The following SEMA5A variants were observed in gnomAD, a reference collection of about 807,000 sequenced individuals.
SEMA5A encodes semaphorin 5A.
Under a neutral mutation model 135.5 loss-of-function variants are expected in SEMA5A, and 55 were observed. The observed-to-expected ratio is 0.41, with a 90% confidence interval of 0.33 to 0.51. SEMA5A has a LOEUF of 0.51. SEMA5A is among the 20% of genes least tolerant of loss of function. SEMA5A has a pLI of 0.37. For missense variants in SEMA5A, 1,290 were observed against 1,419.9 expected (o/e 0.91, Z 1.47); for synonymous variants, 580 against 546.5 (o/e 1.06, Z -0.85).
At chr5:9,201,617 AT>A (rs910668827) in intron 9 of SEMA5A, among the ~76,000 whole-genome samples, 12 of 152,238 alleles carry the variant, frequency 7.9e-5, no homozygotes, top group African/African-American at 2.9e-4. Context: ...TATAGAAAAA[AT>A]ATACATATAA....
chr5:9,386,275 C>A (rs1035434194), intron 2 of SEMA5A, among the ~76,000 whole-genome samples: 1 of 152,172 alleles, frequency 6.6e-6, no homozygotes. Flanking sequence ...GCCCTACACA[C>A]CCTGACAGAG....
At chr5:9,376,119 T>G in intron 3 of SEMA5A, among the ~76,000 whole-genome samples, 1 of 152,134 alleles carries the variant, frequency 6.6e-6, no homozygotes, top group East Asian at 1.9e-4. Flanking sequence ...CTCCCTTTGG[T>G]CTCAGTAGCA....
chr5:9,226,141 G>A (rs1205128608), intron 7 of SEMA5A, among the ~76,000 whole-genome samples: 1 of 152,124 alleles, frequency 6.6e-6, no homozygotes, highest in Non-Finnish European at 1.5e-5. Context: ...TCCAATAACT[G>A]AATGCTAACC....
rs529211190 is a variant in SEMA5A, at chr5:9,330,170, C to T, written c.224+7543G>A. 2.5e-4 allele frequency among the ~76,000 whole-genome samples: 38 copies of T among 151,496 alleles called. No individual in the cohort carries two copies. In the East Asian group the frequency reaches 7.4e-3, roughly 29 times the overall value. On this transcript the variant is annotated intron_variant, in intron 4 of 22. Transcript: ENST00000382496. ...AGATGGGAGGCCGAGGTGGGCGGAT[C>T]GCCAGGTCAGGAGATTGAGACCATC... is the stretch of plus-strand genomic sequence containing the variant.
intron 1 of SEMA5A, among the ~76,000 whole-genome samples, chr5:9,446,774 T>C (rs1758450090): frequency 6.6e-6 from 1 of 152,240 alleles, no homozygotes; most frequent in African/African-American, 2.4e-5. Context: ...ATTTAAGATT[T>C]AATTTTAATA....
intron 1 of SEMA5A, among the ~76,000 whole-genome samples, chr5:9,515,757 C>T (rs776373773): frequency 6.6e-6 from 1 of 152,158 alleles, no homozygotes; most frequent in Non-Finnish European, 1.5e-5. Context: ...AAGAAGAAAA[C>T]AGCTTAATGT....
intron 4 of SEMA5A, among the ~76,000 whole-genome samples, chr5:9,324,214 G>A (rs1210622156): frequency 3.9e-5 from 6 of 151,958 alleles, no homozygotes; most frequent in South Asian, 2.1e-4. Context: ...GACTACAGGC[G>A]CCCGCCACCA....
chr5:9,101,786 A>G (rs1442761983), intron 16 of SEMA5A, among the ~76,000 whole-genome samples: 8 of 152,134 alleles, frequency 5.3e-5, no homozygotes, highest in Admixed American at 5.2e-4. Context: ...ATAGTAGCCT[A>G]TATGAATAGC....
chr5:9,322,005 C>T (rs1461434465), intron 4 of SEMA5A, among the ~76,000 whole-genome samples: 1 of 152,116 alleles, frequency 6.6e-6, no homozygotes, highest in Non-Finnish European at 1.5e-5. Context: ...GAGCTCTGTG[C>T]AGATCAAGCA....
At chr5:9,086,519 C>T (rs1054774093) in intron 16 of SEMA5A, among the ~76,000 whole-genome samples, 1 of 152,184 alleles carries the variant, frequency 6.6e-6, no homozygotes, top group African/African-American at 2.4e-5. Flanking sequence ...GTGCCTTTCA[C>T]CTTCCACCAT....
intron 5 of SEMA5A, among the ~76,000 whole-genome samples, chr5:9,280,578 C>T (rs1750490805): frequency 6.6e-6 from 1 of 152,178 alleles, no homozygotes; most frequent in South Asian, 2.1e-4. Flanking sequence ...TCAAGGATGA[C>T]AATCTAAAAA....
intron 5 of SEMA5A, among the ~76,000 whole-genome samples, chr5:9,262,924 A>T (rs973235251): frequency 2.0e-5 from 3 of 149,280 alleles, no homozygotes; most frequent in African/African-American, 7.3e-5. Flanking sequence ...AAAAAAAAGA[A>T]AATATATTTC....
At chr5:9,489,043 C>A (rs1225963499) in intron 1 of SEMA5A, among the ~76,000 whole-genome samples, 1 of 152,112 alleles carries the variant, frequency 6.6e-6, no homozygotes, top group Non-Finnish European at 1.5e-5. Flanking sequence ...GAGTATCAGG[C>A]CTCTGAATAA....
intron 12 of SEMA5A, among the ~76,000 whole-genome samples, chr5:9,151,282 A>G (rs907187154): frequency 1.3e-5 from 2 of 152,216 alleles, no homozygotes; most frequent in South Asian, 2.1e-4. Context: ...ACATGTAAAC[A>G]TGATTTAGAA....
intron 5 of SEMA5A, among the ~76,000 whole-genome samples, chr5:9,269,329 T>C (rs1749849579): frequency 6.6e-6 from 1 of 152,132 alleles, no homozygotes; most frequent in African/African-American, 2.4e-5. Context: ...GAAATAGATA[T>C]TAATAATAAT....
chr5:9,112,939 G>A (rs544379296), intron 15 of SEMA5A, among the ~76,000 whole-genome samples: 1 of 152,338 alleles, frequency 6.6e-6, no homozygotes, highest in East Asian at 1.9e-4. Context: ...CAGTTGTCAA[G>A]GAATTGAGGG....
At chr5:9,199,643 T>A (rs1464357028) in intron 9 of SEMA5A, among the ~76,000 whole-genome samples, 1 of 152,076 alleles carries the variant, frequency 6.6e-6, no homozygotes, top group African/African-American at 2.4e-5. Flanking sequence ...GGTAATAACT[T>A]ACAAGAGCAA....
chr5:9,074,930 T>C (rs905769334), intron 16 of SEMA5A, among the ~76,000 whole-genome samples: 4 of 152,136 alleles, frequency 2.6e-5, no homozygotes, highest in Admixed American at 2.0e-4. Context: ...ATCTGGTCCA[T>C]AGAACGGAAA....
chr5:9,282,444 C>A (rs1019359096), intron 5 of SEMA5A, among the ~76,000 whole-genome samples: 4 of 152,078 alleles, frequency 2.6e-5, no homozygotes, highest in Non-Finnish European at 4.4e-5. Context: ...AAGGCAGAAT[C>A]CTGGAAAAGC....
Sources: gnomAD v4.1 joint callset for allele counts (sites outside exome capture counted in the v4.1 genomes callset) on GRCh38, gnomAD v4.1.1 for gene constraint, MANE v1.5 for transcripts, NCBI Gene and HGNC (gene_info 2026-07-23, HGNC 2026-07-21) for gene names.